The following NAV3 variants were observed in gnomAD, a reference collection of about 807,000 sequenced individuals.
NAV3 encodes the protein pore membrane and/or filament interacting like protein 1.
Under a neutral mutation model 244.7 loss-of-function variants are expected in NAV3, and 87 were observed. That is an observed-to-expected ratio of 0.36 (90% CI 0.30 to 0.42). NAV3 has a LOEUF of 0.42. Ranked by LOEUF, NAV3 falls within the 20% of genes least tolerant of loss-of-function variation. NAV3 has a pLI of 1.00. For synonymous variants in NAV3, 1,126 were observed against 1,042.2 expected (o/e 1.08, Z -1.55); for missense variants, 2,663 against 2,893.3 (o/e 0.92, Z 1.83).
At chr12:77,739,423 T>C (rs1868287771) in intron 2 of NAV3, among the ~76,000 whole-genome samples, 1 of 152,158 alleles carries the variant, frequency 6.6e-6, no homozygotes. Context: ...GTATGTTTCT[T>C]CTTGAAGAGA....
chr12:77,826,827 A>G (rs929072435), upstream of NAV3, among the ~76,000 whole-genome samples: 1 of 152,202 alleles, frequency 6.6e-6, no homozygotes, highest in Non-Finnish European at 1.5e-5. Context: ...TGAAGGGAAT[A>G]TTCTACATCT....
chr12:77,791,497 T>A (rs1325796900), intron 2 of NAV3, among the ~76,000 whole-genome samples: 1 of 152,172 alleles, frequency 6.6e-6, no homozygotes, highest in Non-Finnish European at 1.5e-5. Flanking sequence ...CAGGCTTAGC[T>A]CTTAGAAATG....
chr12:77,837,851 C>G (rs980066148), intron 1 of NAV3, among the ~76,000 whole-genome samples: 1 of 152,232 alleles, frequency 6.6e-6, no homozygotes, highest in South Asian at 2.1e-4. Context: ...ATGGTCTCTA[C>G]TGCATTGTTT....
rs756805711 is a variant in NAV3 at position 77,645,536 on chromosome 12, T to TAAAAAAAA, written c.72+73287_72+73294dup. Reference sequence around the variant, plus strand: ...GAATTCATGGAGAGCTCTCTCTCTCTAAAAAAAAAAAAAAAAAAAAAAAAC... The same window carrying TAAAAAAAA: ...GAATTCATGGAGAGCTCTCTCTCTCTAAAAAAAAAAAAAAAAAAAAAAAAAAAAAAAAC... On this transcript the variant is annotated intron_variant, in intron 2 of 8. Coordinates refer to the NAV3 transcript ENST00000550042. Among the ~76,000 whole-genome samples, 34 of 63,012 alleles carry TAAAAAAAA rather than the reference T, an allele frequency of 5.4e-4. 1 individual carries two copies. Among genetic ancestry groups the TAAAAAAAA allele is most frequent in the African/African-American group, 2.0e-3 (28 of 13,770 alleles). 41.3% of individuals were successfully genotyped at this position (63,012 alleles called of 152,430 possible). A position where few individuals can be genotyped will look rare whatever the true frequency, so the allele number is the denominator to read the frequency against.
At chr12:77,616,425 T>C (rs1871145272) in intron 2 of NAV3, among the ~76,000 whole-genome samples, 2 of 152,094 alleles carry the variant, frequency 1.3e-5, no homozygotes, top group African/African-American at 2.4e-5. Flanking sequence ...TGCAAAAATT[T>C]TAAATCCCTG....
intron 2 of NAV3, among the ~76,000 whole-genome samples, chr12:77,692,704 T>C (rs1875091940): frequency 6.6e-6 from 1 of 152,136 alleles, no homozygotes; most frequent in Non-Finnish European, 1.5e-5. Flanking sequence ...AGTCATTTAT[T>C]TTTTGTTCTT....
At chr12:77,650,795 C>G (rs1872788139) in intron 2 of NAV3, among the ~76,000 whole-genome samples, 1 of 151,862 alleles carries the variant, frequency 6.6e-6, no homozygotes, top group Admixed American at 6.6e-5. Context: ...ATGGTATTGT[C>G]TAAAACAGAC....
chr12:78,021,012 A>G (rs150301458), intron 8 of NAV3, among the ~76,000 whole-genome samples: 1 of 152,302 alleles, frequency 6.6e-6, no homozygotes, highest in East Asian at 1.9e-4. Context: ...AGCTGCATCA[A>G]ATAGAAAGCA....
chr12:78,153,481 G>A (rs563503248), intron 22 of NAV3, among the ~76,000 whole-genome samples: 2 of 152,188 alleles, frequency 1.3e-5, no homozygotes, highest in East Asian at 3.9e-4. Context: ...AACAGAAGCC[G>A]CACAAGGAAA....
chr12:77,783,183 T>C (rs1870749611), intron 2 of NAV3: 2 of 152,146 alleles, frequency 1.3e-5, no homozygotes, highest in South Asian at 2.1e-4. Context: ...TAGATTCCAG[T>C]TGCTGTTTGA....
chr12:78,011,061 A>G (rs574666265), intron 8 of NAV3, among the ~76,000 whole-genome samples: 1 of 152,154 alleles, frequency 6.6e-6, no homozygotes, highest in African/African-American at 2.4e-5. Flanking sequence ...TGTTATTCTT[A>G]TTCATTTATC....
intron 2 of NAV3, among the ~76,000 whole-genome samples, chr12:77,633,664 G>T (rs923796829): frequency 6.6e-6 from 1 of 152,098 alleles, no homozygotes; most frequent in Non-Finnish European, 1.5e-5. Flanking sequence ...AGTGAAGTTG[G>T]TAATAGTAAA....
At chr12:77,967,387 G>A in intron 4 of NAV3, among the ~76,000 whole-genome samples, 1 of 152,200 alleles carries the variant, frequency 6.6e-6, no homozygotes, top group African/African-American at 2.4e-5. Context: ...TCAGATTGAT[G>A]AAGCCAACTC....
chr12:77,899,273 T>A (rs1205525191), intron 1 of NAV3, among the ~76,000 whole-genome samples: 1 of 152,194 alleles, frequency 6.6e-6, no homozygotes, highest in African/African-American at 2.4e-5. Flanking sequence ...TCAAAGAAGT[T>A]CTATTGTGGG....
At chr12:78,192,086 C>G (rs535615983) in intron 34 of NAV3, among the ~76,000 whole-genome samples, 1 of 152,164 alleles carries the variant, frequency 6.6e-6, no homozygotes, top group Admixed American at 6.5e-5. Context: ...TAAAAAATAT[C>G]TATCTGTCTA....
chr12:77,936,770 C>G (rs1889366298), intron 1 of NAV3, among the ~76,000 whole-genome samples: 2 of 152,116 alleles, frequency 1.3e-5, no homozygotes, highest in Non-Finnish European at 2.9e-5. Context: ...ATTCTAATGA[C>G]AGTTGACAAG....
At chr12:78,119,094 A>G in intron 14 of NAV3, 143 bp from the exon 15 acceptor site, 2 of 897,216 alleles carry the variant, frequency 2.2e-6, no homozygotes, top group Non-Finnish European at 3.4e-6. Context: ...AGTCCTCTCA[A>G]TATATGAGAT....
At chr12:77,714,185 G>A (rs971739769) in intron 2 of NAV3, among the ~76,000 whole-genome samples, 5 of 151,974 alleles carry the variant, frequency 3.3e-5, no homozygotes, top group Non-Finnish European at 7.4e-5. Flanking sequence ...GGGATATAAG[G>A]CACAGAGATG....
At chr12:77,913,716 GA>G (rs1886849042) in intron 1 of NAV3, among the ~76,000 whole-genome samples, 1 of 152,084 alleles carries the variant, frequency 6.6e-6, no homozygotes, top group African/African-American at 2.4e-5. Flanking sequence ...AGCAAAATAA[GA>G]GTTGAGTATT....
Sources: allele counts gnomAD v4.1 joint callset (sites outside exome capture counted in the v4.1 genomes callset), GRCh38; gene constraint gnomAD v4.1.1; transcripts MANE v1.5; gene names NCBI Gene and HGNC (gene_info 2026-07-23, HGNC 2026-07-21).